Variants in TNKS observed in about 807,000 individuals in gnomAD.
TNKS encodes tankyrase, also known as poly [ADP-ribose] polymerase tankyrase-1.
TNKS carries 72 observed loss-of-function variants against 135.8 expected under a neutral mutation model. The observed-to-expected ratio is 0.53, with a 90% CI of 0.44 to 0.64. The LOEUF (loss-of-function observed/expected upper bound fraction) is 0.64. Among genes scored for constraint, TNKS ranks in the 30% least tolerant of loss-of-function variants. TNKS has a pLI of 0.00. For missense variants in TNKS, 1,769 were observed against 1,674.0 expected (o/e 1.06, Z -0.99); for synonymous variants, 849 against 649.3 (o/e 1.31, Z -4.68).
chr8:9,717,072 A>ATACATATATATATAT (rs376229840), intron 11 of TNKS, among the ~76,000 whole-genome samples: 1 of 79,460 alleles, frequency 1.3e-5, no homozygotes, highest in African/African-American at 4.6e-5. Flanking sequence ...GTTGTATTAT[A>ATACATATATATATAT]ATATATATAT....
At chr8:9,674,004 A>G (rs1283338469) in intron 3 of TNKS, among the ~76,000 whole-genome samples, 1 of 152,230 alleles carries the variant, frequency 6.6e-6, no homozygotes, top group Middle Eastern at 3.2e-3. Flanking sequence ...TTAACCAAGT[A>G]GATAGTACAG....
chr8:9,743,511 T>C (rs896701932), intron 17 of TNKS: 2 of 152,186 alleles, frequency 1.3e-5, no homozygotes, highest in Non-Finnish European at 2.9e-5. Flanking sequence ...GTTGTAATGA[T>C]TAAATGAGAC....
At chr8:9,723,640 TATG>T (rs1297129230) in intron 12 of TNKS, among the ~76,000 whole-genome samples, 3 of 152,204 alleles carry the variant, frequency 2.0e-5, no homozygotes, top group Non-Finnish European at 4.4e-5. Flanking sequence ...CTCTTTCCAA[TATG>T]GTAGCCACTA....
At chr8:9,729,522 T>A (rs1190066424) in intron 13 of TNKS, among the ~76,000 whole-genome samples, 1 of 152,110 alleles carries the variant, frequency 6.6e-6, no homozygotes, top group Non-Finnish European at 1.5e-5. Flanking sequence ...TTCCCTCAAG[T>A]TGGATAATTA....
chr8:9,741,749 C>T (rs368118876), intron 17 of TNKS: 49 of 527,986 alleles, frequency 9.3e-5, no homozygotes, highest in African/African-American at 8.3e-4. Flanking sequence ...GTGGCTCAAG[C>T]GTAATGTAGA....
chr8:9,656,678 G>T (rs1215559786), intron 3 of TNKS, among the ~76,000 whole-genome samples: 1 of 147,700 alleles, frequency 6.8e-6, no homozygotes, highest in Non-Finnish European at 1.5e-5. Flanking sequence ...AGGGGGATTT[G>T]GCAGGGTCAT....
chr8:9,694,894 ATATT>A (rs1464763635), intron 5 of TNKS, among the ~76,000 whole-genome samples: 1 of 152,214 alleles, frequency 6.6e-6, no homozygotes, highest in African/African-American at 2.4e-5. Context: ...GAAATTAAAA[ATATT>A]TATATTTTAT....
intron 9 of TNKS, 87 bp downstream of exon 9, chr8:9,708,579 A>C: frequency 7.8e-7 from 1 of 1,274,322 alleles, no homozygotes; most frequent in Non-Finnish European, 1.0e-6. Flanking sequence ...ACCTTAAAGT[A>C]ACTTTAGTAT....
chr8:9,764,614 T>C (rs1027353961), intron 22 of TNKS, 102 bp from the exon 23 acceptor site: 7 of 756,354 alleles, frequency 9.3e-6, no homozygotes, highest in Middle Eastern at 5.0e-4. Context: ...CATCAATTTA[T>C]AGTGAACTCC....
intron 1 of TNKS, among the ~76,000 whole-genome samples, chr8:9,572,340 A>G (rs978122709): frequency 3.9e-5 from 6 of 152,216 alleles, no homozygotes; most frequent in Non-Finnish European, 8.8e-5. Flanking sequence ...CTGAAAGACT[A>G]TGGCCTTTGT....
At chr8:9,754,421 G>C (rs973427198) in intron 20 of TNKS, among the ~76,000 whole-genome samples, 3 of 151,894 alleles carry the variant, frequency 2.0e-5, no homozygotes, top group African/African-American at 4.8e-5. Flanking sequence ...TTCCCTTCTA[G>C]GCTTATAGTC....
At chr8:9,592,633 A>G (rs1185175186) in intron 2 of TNKS, among the ~76,000 whole-genome samples, 1 of 152,214 alleles carries the variant, frequency 6.6e-6, no homozygotes, top group African/African-American at 2.4e-5. Context: ...ACTAACAATA[A>G]TCTTGTCCAC....
chr8:9,667,618 A>G (rs942179896), intron 3 of TNKS, among the ~76,000 whole-genome samples: 2 of 152,182 alleles, frequency 1.3e-5, no homozygotes, highest in Non-Finnish European at 2.9e-5. Flanking sequence ...TTTATCCTTC[A>G]TAGTCTGTCA....
At chr8:9,682,174 G>A (rs1485377266) in intron 5 of TNKS, among the ~76,000 whole-genome samples, 1 of 152,092 alleles carries the variant, frequency 6.6e-6, no homozygotes, top group African/African-American at 2.4e-5. Context: ...TCACTGTGTA[G>A]AAAAGGGCCT....
chr8:9,749,362 A>T (rs888506205), intron 18 of TNKS, among the ~76,000 whole-genome samples: 1 of 152,182 alleles, frequency 6.6e-6, no homozygotes, highest in Non-Finnish European at 1.5e-5. Context: ...GACACATGTT[A>T]TCAGGGCCAT....
At chr8:9,690,755 AC>A (rs1803228878) in intron 5 of TNKS, among the ~76,000 whole-genome samples, 1 of 152,206 alleles carries the variant, frequency 6.6e-6, no homozygotes, top group Admixed American at 6.5e-5. Context: ...AATTACAGAA[AC>A]CTTGTTTTAT....
intron 7 of TNKS, 39 bp downstream of exon 7, chr8:9,706,292 T>G: frequency 6.9e-7 from 1 of 1,443,026 alleles, no homozygotes; most frequent in Middle Eastern, 1.8e-4. Flanking sequence ...ATTTACTTTT[T>G]TTTTTTTTCT....
chr8:9,571,497 G>A (rs541882961), intron 1 of TNKS, among the ~76,000 whole-genome samples: 10 of 151,948 alleles, frequency 6.6e-5, no homozygotes, highest in Admixed American at 6.6e-5. Context: ...TCACTCTGTC[G>A]CCCAGGCTGG....
Position 9,739,978 on chromosome 8 carries a change from C to T in TNKS, c.2643+4492C>T, listed in dbSNP as rs190082121. Among the ~76,000 whole-genome samples, 246 of 101,418 alleles carry T rather than the reference C, an allele frequency of 2.4e-3. 2 individuals are homozygous for T. The highest frequency in any genetic ancestry group is 5.4e-3 in the African/African-American group (134 of 24,666). The allele number at this position is 101,418 out of a possible 152,430, so 66.5% of individuals were successfully genotyped here. On this transcript the variant is annotated intron_variant, in intron 17 of 26. Coordinates refer to ENST00000310430, the MANE Select transcript of TNKS (RefSeq NM_003747.3). The stretch of plus-strand genomic sequence containing the variant: ...CTAGATGACACATTAGTGGGTGCAG[C>T]GCACCAGCATGGCACATGTATACAT...
Sources: allele counts gnomAD v4.1 joint callset (sites outside exome capture counted in the v4.1 genomes callset), GRCh38; gene constraint gnomAD v4.1.1; transcripts MANE v1.5; gene names NCBI Gene and HGNC (gene_info 2026-07-23, HGNC 2026-07-21).